The following SESN3 variants were observed in gnomAD, a reference collection of about 807,000 sequenced individuals.
SESN3 encodes sestrin 3.
SESN3 carries 21 observed loss-of-function variants against 55.3 expected under a neutral mutation model. The ratio of observed to expected loss-of-function variants is 0.38; its 90% confidence interval spans 0.27 to 0.55. The LOEUF (loss-of-function observed/expected upper bound fraction) is 0.55. Ranked by LOEUF, SESN3 falls within the 20% of genes least tolerant of loss-of-function variation. SESN3 has a pLI of 0.76. For missense variants in SESN3, 408 were observed against 604.3 expected (o/e 0.68, Z 3.41); for synonymous variants, 181 against 203.1 (o/e 0.89, Z 0.93).
intron 8 of SESN3, among the ~76,000 whole-genome samples, chr11:95,177,389 A>T (rs1859977688): frequency 1.3e-5 from 2 of 152,188 alleles, no homozygotes; most frequent in African/African-American, 4.8e-5. Flanking sequence ...ATAGTGATCT[A>T]AAGGGACACT....
At chr11:95,220,138 T>C (rs1275426792) in intron 1 of SESN3, among the ~76,000 whole-genome samples, 2 of 152,174 alleles carry the variant, frequency 1.3e-5, no homozygotes, top group Admixed American at 6.5e-5. Context: ...ATGATAACAG[T>C]CCAAGGGTTT....
chr11:95,172,183 CATT>C lies in SESN3; in HGVS notation c.*1069_*1071del, dbSNP rs1327320630. 1 of 152,084 alleles carries C rather than the reference CATT, an allele frequency of 6.6e-6. No homozygotes were observed. Among genetic ancestry groups the C allele is most frequent in the Non-Finnish European group, 1.5e-5 (1 of 67,980 alleles). 9.4% of individuals were successfully genotyped at this position (152,084 alleles called of 1,614,324 possible). A position where few individuals can be genotyped will look rare whatever the true frequency, so the allele number is the denominator to read the frequency against. On this transcript the variant is annotated 3_prime_UTR_variant, in exon 10 of 10. Transcript: ENST00000536441. ...GCACTCTGTTTTTGTAGTTCAATCA[CATT>C]AATGCATAGAAACACAATTTTTACC...
At chr11:95,191,350 G>C (rs746951385) in intron 3 of SESN3, 54 bp downstream of exon 3, 25 of 1,346,146 alleles carry the variant, frequency 1.9e-5, no homozygotes, top group Non-Finnish European at 2.6e-5. Flanking sequence ...TTTTGGAAGG[G>C]AGAAAGAATA....
chr11:95,172,064 T>C lies in SESN3; in HGVS notation c.*1191A>G, dbSNP rs1859860641. 6.6e-6 allele frequency: 1 copy of C among 152,034 alleles called. No homozygotes were observed. Among genetic ancestry groups the C allele is most frequent in the Admixed American group, 6.6e-5 (1 of 15,260 alleles). The allele number at this position is 152,034 out of a possible 1,614,324, so 9.4% of individuals were successfully genotyped here. On this transcript the variant is annotated 3_prime_UTR_variant, in exon 10 of 10. Coordinates refer to ENST00000536441, the MANE Select transcript of SESN3 (RefSeq NM_144665.4). ...GAAAAAAGCCTGTGCAATAAAGAAATTTGAAAAAAATTTCTTTATGGCTCT... is the reference window on the plus strand; with the variant it reads ...GAAAAAAGCCTGTGCAATAAAGAAACTTGAAAAAAATTTCTTTATGGCTCT...
chr11:95,179,872 A>T (rs1347301329), intron 6 of SESN3, among the ~76,000 whole-genome samples: 1 of 152,210 alleles, frequency 6.6e-6, no homozygotes, highest in Non-Finnish European at 1.5e-5. Flanking sequence ...TAGCAAGGCA[A>T]TAATAATATT....
intron 1 of SESN3, among the ~76,000 whole-genome samples, chr11:95,214,087 G>C (rs896743022): frequency 6.6e-6 from 1 of 152,090 alleles, no homozygotes; most frequent in African/African-American, 2.4e-5. Flanking sequence ...AAAGTCAAAA[G>C]CTGACTGTCC....
intron 1 of SESN3, among the ~76,000 whole-genome samples, chr11:95,194,466 G>T (rs1453967364): frequency 3.9e-5 from 6 of 152,098 alleles, no homozygotes; most frequent in Non-Finnish European, 8.8e-5. Context: ...GATAGACTTT[G>T]AGGATACAGG....
intron 1 of SESN3, among the ~76,000 whole-genome samples, chr11:95,212,075 A>C (rs1245532430): frequency 3.9e-5 from 6 of 152,204 alleles, no homozygotes; most frequent in African/African-American, 1.4e-4. Context: ...CACATTTTGC[A>C]TTTTTGAGAA....
intron 1 of SESN3, among the ~76,000 whole-genome samples, chr11:95,217,257 G>A (rs575990892): frequency 1.3e-5 from 2 of 152,196 alleles, no homozygotes; most frequent in Non-Finnish European, 2.9e-5. Flanking sequence ...TATGCTTTTT[G>A]TGCATTTAAT....
rs938190664 is a variant in SESN3 at position 95,172,086 on chromosome 11, C to G, written c.*1169G>C. On this transcript the variant is annotated 3_prime_UTR_variant, in exon 10 of 10. Coordinates refer to ENST00000536441, the MANE Select transcript of SESN3 (RefSeq NM_144665.4). ...AAATTTGAAAAAAATTTCTTTATGG[C>G]TCTGTTTAAAAGGACACTTTTGCAG... 6.6e-6 allele frequency: 1 copy of G among 152,034 alleles called. No individual in the cohort carries two copies. The highest frequency in any genetic ancestry group is 2.4e-5 in the African/African-American group (1 of 41,406). The allele number at this position is 152,034 out of a possible 1,614,324, so 9.4% of individuals were successfully genotyped here.
chr11:95,180,583 T>C (rs1330818547), intron 6 of SESN3, among the ~76,000 whole-genome samples: 2 of 152,170 alleles, frequency 1.3e-5, no homozygotes, highest in Non-Finnish European at 2.9e-5. Flanking sequence ...CTATCTATTT[T>C]TTGTTTCATT....
At chr11:95,223,386 T>A (rs1860894003) in intron 1 of SESN3, among the ~76,000 whole-genome samples, 1 of 152,206 alleles carries the variant, frequency 6.6e-6, no homozygotes, top group Admixed American at 6.5e-5. Flanking sequence ...CTTCTTTCCC[T>A]TGTAGCCAAG....
intron 1 of SESN3, among the ~76,000 whole-genome samples, chr11:95,198,649 C>T (rs1370182242): frequency 6.6e-6 from 1 of 152,104 alleles, no homozygotes; most frequent in Non-Finnish European, 1.5e-5. Context: ...GAGTTTCTTT[C>T]GCTGTCACTA....
chr11:95,174,612 T>A (rs1282959445), intron 9 of SESN3, among the ~76,000 whole-genome samples: 1 of 152,120 alleles, frequency 6.6e-6, no homozygotes, highest in African/African-American at 2.4e-5. Context: ...GATTCCCAAG[T>A]AGCTGGGACA....
At chr11:95,201,647 T>C (rs1565470188) in intron 1 of SESN3, among the ~76,000 whole-genome samples, 1 of 152,038 alleles carries the variant, frequency 6.6e-6, no homozygotes, top group Non-Finnish European at 1.5e-5. Context: ...TATACAAATC[T>C]ACAAAGGTGG....
Position 95,172,910 on chromosome 11 carries a change from G to A in SESN3, c.*345C>T, listed in dbSNP as rs1488726868. The stretch of plus-strand genomic sequence containing the variant: ...TTATTCTTAAAAAAAAAAGGGCGGG[G>A]TGGGGGGAGAAAAAATACACATACA... On this transcript the variant is annotated 3_prime_UTR_variant, in exon 10 of 10. Coordinates refer to ENST00000536441, the MANE Select transcript of SESN3 (RefSeq NM_144665.4). 1 of 197,360 alleles carries A rather than the reference G, an allele frequency of 5.1e-6. No individual in the cohort carries two copies. The highest frequency in any genetic ancestry group is 1.0e-5 in the Non-Finnish European group (1 of 97,556). The allele number at this position is 197,360 out of a possible 1,614,324, so 12.2% of individuals were successfully genotyped here. A position where few individuals can be genotyped will look rare whatever the true frequency, so the allele number is the denominator to read the frequency against.
intron 6 of SESN3, 100 bp downstream of exon 6, chr11:95,184,320 T>G: frequency 2.2e-6 from 2 of 929,274 alleles, no homozygotes; most frequent in Non-Finnish European, 3.4e-6. Flanking sequence ...AAGAGAAAGA[T>G]GGTAGCAGAA....
chr11:95,208,680 C>G (rs538122762), intron 1 of SESN3, among the ~76,000 whole-genome samples: 20 of 151,566 alleles, frequency 1.3e-4, no homozygotes, highest in African/African-American at 4.8e-4. Flanking sequence ...TACTACAAGG[C>G]TACAGTAACA....
intron 4 of SESN3, 97 bp from the exon 5 acceptor site, chr11:95,185,589 A>G (rs1045261546): frequency 2.2e-5 from 17 of 785,176 alleles, no homozygotes; most frequent in Non-Finnish European, 3.4e-5. Flanking sequence ...ATCCACTTAG[A>G]GTAATAAAAC....
Sources: allele counts gnomAD v4.1 joint callset (sites outside exome capture counted in the v4.1 genomes callset), GRCh38; gene constraint gnomAD v4.1.1; transcripts MANE v1.5; gene names NCBI Gene and HGNC (gene_info 2026-07-23, HGNC 2026-07-21).